PRLR: variants seen among roughly 807,000 people sequenced by gnomAD.
PRLR encodes hPRL receptor.
PRLR carries 13 observed loss-of-function variants against 40.2 expected under a neutral mutation model. The observed-to-expected ratio is 0.32, with a 90% CI of 0.21 to 0.51. The LOEUF (loss-of-function observed/expected upper bound fraction) is 0.51. Among genes scored for constraint, PRLR ranks in the 20% least tolerant of loss-of-function variants. PRLR has a pLI of 0.97. For synonymous variants in PRLR, 269 were observed against 278.7 expected (o/e 0.97, Z 0.35); for missense variants, 656 against 747.3 (o/e 0.88, Z 1.42).
Position 35,086,414 on chromosome 5 carries a change from A to C in PRLR, c.71-74T>G, listed in dbSNP as rs573366063. The stretch of plus-strand genomic sequence containing the variant: ...ATTTGACCCTTCTGCTGGTGACAGA[A>C]ACAGATTGATGGACCAAAGCCAGCG... On this transcript the variant is annotated intron_variant, in intron 3 of 9. Coordinates refer to ENST00000618457, the MANE Select transcript of PRLR (RefSeq NM_000949.7). 102 of 1,562,182 alleles carry C rather than the reference A, an allele frequency of 6.5e-5. 1 individual carries two copies. The South Asian group carries it at 1.2e-3, about 18-fold the overall frequency.
At chr5:35,070,345 AAGTT>A (rs1317449223) in intron 6 of PRLR, 80 bp from the exon 7 acceptor site, 5 of 1,473,212 alleles carry the variant, frequency 3.4e-6, no homozygotes, top group Admixed American at 3.5e-5. Context: ...AAAATAAACT[AAGTT>A]AGGCTGAACA....
intron 5 of PRLR, among the ~76,000 whole-genome samples, chr5:35,080,122 G>C (rs1482647268): frequency 4.0e-4 from 61 of 152,242 alleles, no homozygotes; most frequent in Non-Finnish European, 1.3e-4. Flanking sequence ...TCAGGACATA[G>C]GCATGGGCAA....
chr5:35,211,687 A>T (rs1035351374), intron 1 of PRLR, among the ~76,000 whole-genome samples: 5 of 152,180 alleles, frequency 3.3e-5, no homozygotes, highest in Non-Finnish European at 7.3e-5. Flanking sequence ...AATAAGGGAA[A>T]TTTTTTAAGA....
At chr5:35,071,264 A>T (rs1769729570) in intron 6 of PRLR, among the ~76,000 whole-genome samples, 1 of 152,186 alleles carries the variant, frequency 6.6e-6, no homozygotes, top group South Asian at 2.1e-4. Flanking sequence ...ACAAGGTGGG[A>T]TACTCTATGG....
intron 5 of PRLR, chr5:35,081,180 TA>T (rs1274472675): frequency 6.5e-6 from 1 of 153,638 alleles, no homozygotes; most frequent in Non-Finnish European, 1.4e-5. Flanking sequence ...CCCTAGAACT[TA>T]AAGTATAATA....
At chr5:35,072,783 T>G (rs1769835838) in intron 5 of PRLR, 39 bp from the exon 6 acceptor site, 5 of 1,595,688 alleles carry the variant, frequency 3.1e-6, no homozygotes. Flanking sequence ...ACTCATTGCT[T>G]GCACCTTTTC....
rs138345454 is a variant in PRLR, at chr5:35,112,140, G to A, written c.-44+5921C>T. The stretch of plus-strand genomic sequence containing the variant: ...GGCTGAGCCTGTGCCCTGCTTCTTA[G>A]CCTGTGTTGAATGATTTAAAATGCT... On this transcript the variant is annotated intron_variant, in intron 2 of 9. Coordinates refer to ENST00000618457, the MANE Select transcript of PRLR (RefSeq NM_000949.7). 9.4e-4 allele frequency among the ~76,000 whole-genome samples: 143 copies of A among 152,266 alleles called. 2 individuals carry two copies. The East Asian group carries it at 0.012, about 13-fold the overall frequency.
chr5:35,209,349 T>G (rs1282619806), intron 1 of PRLR, among the ~76,000 whole-genome samples: 1 of 152,202 alleles, frequency 6.6e-6, no homozygotes, highest in East Asian at 1.9e-4. Flanking sequence ...ATCTCTTTAA[T>G]GTACCAAATG....
chr5:35,157,946 G>A (rs900825310), intron 1 of PRLR, among the ~76,000 whole-genome samples: 2 of 152,102 alleles, frequency 1.3e-5, no homozygotes, highest in African/African-American at 4.8e-5. Flanking sequence ...TTCTTGCTGT[G>A]TTCTAACCAT....
chr5:35,219,402 G>A (rs977308477), intron 1 of PRLR, among the ~76,000 whole-genome samples: 2 of 152,104 alleles, frequency 1.3e-5, no homozygotes, highest in Non-Finnish European at 2.9e-5. Context: ...GATAATAAGA[G>A]TACACACTTT....
At chr5:35,228,253 A>G (rs1266150856) in intron 1 of PRLR, among the ~76,000 whole-genome samples, 2 of 70,430 alleles carry the variant, frequency 2.8e-5, no homozygotes, top group South Asian at 7.0e-4. Flanking sequence ...AAAAAAAAAA[A>G]GCAGCATTAT....
intron 5 of PRLR, among the ~76,000 whole-genome samples, chr5:35,078,862 G>C (rs1312201967): frequency 2.0e-5 from 3 of 152,172 alleles, no homozygotes; most frequent in African/African-American, 7.2e-5. Flanking sequence ...TATCCACCAT[G>C]ATCAAGTAGG....
chr5:35,068,334 T>C, intron 8 of PRLR, 49 bp from the exon 9 acceptor site: 1 of 1,540,514 alleles, frequency 6.5e-7, no homozygotes, highest in South Asian at 1.1e-5. Context: ...TCTGACTTTG[T>C]AATTTTTGAA....
chr5:35,101,957 A>G (rs1299233069), intron 2 of PRLR, among the ~76,000 whole-genome samples: 1 of 151,760 alleles, frequency 6.6e-6, no homozygotes, highest in Non-Finnish European at 1.5e-5. Flanking sequence ...TCTCTGGAGT[A>G]GCTGGGATTA....
chr5:35,169,082 CTAAT>C (rs1474898022), intron 1 of PRLR, among the ~76,000 whole-genome samples: 1 of 152,106 alleles, frequency 6.6e-6, no homozygotes, highest in Non-Finnish European at 1.5e-5. Context: ...AGCATTGCAG[CTAAT>C]TAGTTTCATA....
chr5:35,100,532 C>CA (rs566802887), intron 2 of PRLR, among the ~76,000 whole-genome samples: 247 of 152,248 alleles, frequency 1.6e-3, no homozygotes, highest in African/African-American at 5.6e-3. Context: ...GTTACAATTG[C>CA]ATGTAGTATT....
At position 35,057,164 on chromosome 5, in the gene PRLR, T is replaced by C. The variant is rs762331581; in HGVS notation, c.*7925A>G. On this transcript the variant is annotated 3_prime_UTR_variant, in exon 10 of 10. Coordinates refer to ENST00000618457, the MANE Select transcript of PRLR (RefSeq NM_000949.7). ...TCTTATTGGATCTCCTTGTATCTGG[T>C]TCCATCTCCCCTCATTTTTCTCAGC... The C allele has an allele frequency of 2.6e-5, 4 of 152,184 alleles. No homozygotes were observed. The highest frequency in any genetic ancestry group is 4.4e-5 in the Non-Finnish European group (3 of 68,018). 9.4% of individuals were successfully genotyped at this position (152,184 alleles called of 1,614,324 possible).
chr5:35,189,941 T>C (rs984424822), intron 1 of PRLR, among the ~76,000 whole-genome samples: 1 of 152,268 alleles, frequency 6.6e-6, no homozygotes. Context: ...GTAGACATCC[T>C]GCTTCCCAGT....
intron 1 of PRLR, among the ~76,000 whole-genome samples, chr5:35,187,704 A>G (rs1014893009): frequency 2.6e-5 from 4 of 152,224 alleles, no homozygotes; most frequent in Non-Finnish European, 5.9e-5. Flanking sequence ...CTGAGCCCAG[A>G]AAGGTCAAAC....
Sources: allele counts gnomAD v4.1 joint callset (sites outside exome capture counted in the v4.1 genomes callset), GRCh38; gene constraint gnomAD v4.1.1; transcripts MANE v1.5; gene names NCBI Gene and HGNC (gene_info 2026-07-23, HGNC 2026-07-21).